Variants in ATP11A observed in about 807,000 individuals in gnomAD.
ATP11A encodes phospholipid-transporting ATPase IH.
In ATP11A, 81 loss-of-function variants were observed where a neutral mutation model predicts 154.4. The observed-to-expected ratio is 0.52, with a 90% CI of 0.44 to 0.63. ATP11A has a LOEUF of 0.63. Among genes scored for constraint, ATP11A ranks in the 30% least tolerant of loss-of-function variants. The pLI, the probability that ATP11A is intolerant of heterozygous loss-of-function variation, is 0.00. For missense variants in ATP11A, 1,316 were observed against 1,474.3 expected (o/e 0.89, Z 1.76); for synonymous variants, 623 against 585.9 (o/e 1.06, Z -0.91).
At chr13:112,712,129 C>T (rs1887830269) in intron 1 of ATP11A, among the ~76,000 whole-genome samples, 1 of 152,152 alleles carries the variant, frequency 6.6e-6, no homozygotes, top group Non-Finnish European at 1.5e-5. Context: ...ACGTGTTTTC[C>T]CCGTTCTCCC....
At chr13:112,809,902 G>A (rs1022899399) in intron 4 of ATP11A, among the ~76,000 whole-genome samples, 2 of 152,220 alleles carry the variant, frequency 1.3e-5, no homozygotes, top group African/African-American at 2.4e-5. Context: ...GAGTGCACGT[G>A]TCTGCGCCAG....
At chr13:112,828,410 G>A (rs1318002067) in intron 12 of ATP11A, among the ~76,000 whole-genome samples, 1 of 137,456 alleles carries the variant, frequency 7.3e-6, no homozygotes, top group African/African-American at 2.7e-5. Flanking sequence ...GGGGGAAAGC[G>A]CCCAGCGGTG....
chr13:112,776,369 C>G (rs1438730046), intron 1 of ATP11A, among the ~76,000 whole-genome samples: 3 of 152,186 alleles, frequency 2.0e-5, no homozygotes, highest in African/African-American at 4.8e-5. Flanking sequence ...TGCCCTGTTC[C>G]TTTCCATGCT....
At chr13:112,843,310 T>C (rs1034753867) in intron 17 of ATP11A, among the ~76,000 whole-genome samples, 16 of 148,780 alleles carry the variant, frequency 1.1e-4, no homozygotes, top group Non-Finnish European at 2.1e-4. Context: ...TCCCATCAGA[T>C]GCCCTAACGT....
chr13:112,713,192 T>C (rs419572), intron 1 of ATP11A, among the ~76,000 whole-genome samples: 129,549 of 152,174 alleles, frequency 0.85, 55,395 homozygotes, highest in East Asian at 0.96. Flanking sequence ...GTCAGGAGTT[T>C]GAGACCGGCC....
intron 1 of ATP11A, among the ~76,000 whole-genome samples, chr13:112,692,449 C>G (rs1287982609): frequency 1.3e-5 from 2 of 152,204 alleles, no homozygotes; most frequent in African/African-American, 4.8e-5. Context: ...AATTTTGATG[C>G]TTGACTCCCT....
chr13:112,854,963 T>C (rs1367903533), intron 19 of ATP11A, among the ~76,000 whole-genome samples: 18 of 152,234 alleles, frequency 1.2e-4, no homozygotes, highest in Non-Finnish European at 1.5e-5. Context: ...GTTGTTTTTT[T>C]CCCAAGAATA....
intron 1 of ATP11A, among the ~76,000 whole-genome samples, chr13:112,707,741 A>T (rs1016500052): frequency 2.0e-5 from 3 of 152,208 alleles, no homozygotes; most frequent in Admixed American, 2.0e-4. Context: ...TCTCGATCAG[A>T]TTGTAACGTG....
chr13:112,829,753 ATTGT>A (rs1450923562), intron 12 of ATP11A, among the ~76,000 whole-genome samples: 1 of 152,220 alleles, frequency 6.6e-6, no homozygotes, highest in African/African-American at 2.4e-5. Flanking sequence ...AAGAAGTGAA[ATTGT>A]TTGCTGATGA....
intron 1 of ATP11A, among the ~76,000 whole-genome samples, chr13:112,716,992 C>T (rs1428990654): frequency 7.2e-5 from 11 of 152,170 alleles, no homozygotes; most frequent in African/African-American, 2.4e-4. Context: ...GACGCAGACC[C>T]ACTGGCCTGC....
chr13:112,881,986 C>T lies in ATP11A; in HGVS notation c.*120C>T, dbSNP rs2080898128. The T allele has an allele frequency of 7.3e-7, 1 of 1,367,704 alleles. No individual in the cohort carries two copies. The highest frequency in any genetic ancestry group is 1.1e-5 in the South Asian group (1 of 88,052). 84.7% of individuals were successfully genotyped at this position (1,367,704 alleles called of 1,614,324 possible). ...AGGTGTCCACGGAGCCCCCACCCATCCTCGGCGGTTCCCATCACCACTGCA... is the reference window on the plus strand; with the variant it reads ...AGGTGTCCACGGAGCCCCCACCCATTCTCGGCGGTTCCCATCACCACTGCA... On this transcript the variant is annotated 3_prime_UTR_variant, in exon 30 of 30. Coordinates refer to ENST00000375645, the MANE Select transcript of ATP11A (RefSeq NM_015205.3).
chr13:112,780,936 G>T (rs1195994374), intron 1 of ATP11A, among the ~76,000 whole-genome samples: 4 of 152,122 alleles, frequency 2.6e-5, no homozygotes, highest in African/African-American at 9.7e-5. Context: ...AGAGAGAGAG[G>T]CTGGGGTCTC....
In ATP11A at chr13:112,884,232, T is replaced by C. The variant is rs1206230988; in HGVS notation, c.*2366T>C. ...GCACATTTAAGGCACGATAATTTGC[T>C]ACACTTTTTCTTTACAATTTGTTGC... is the stretch of plus-strand genomic sequence containing the variant. On this transcript the variant is annotated 3_prime_UTR_variant, in exon 30 of 30. Transcript: ENST00000375645. 1 of 152,708 alleles carries C rather than the reference T, an allele frequency of 6.5e-6. No individual in the cohort carries two copies. Among genetic ancestry groups the C allele is most frequent in the African/African-American group, 2.4e-5 (1 of 41,462 alleles). 9.5% of individuals were successfully genotyped at this position (152,708 alleles called of 1,614,324 possible).
intron 1 of ATP11A, among the ~76,000 whole-genome samples, chr13:112,706,490 T>C (rs1887155802): frequency 6.6e-6 from 1 of 152,252 alleles, no homozygotes; most frequent in Admixed American, 6.5e-5. Flanking sequence ...ATGTTTTCTG[T>C]GGCATTTTCT....
chr13:112,817,669 T>C (rs1032410914), intron 6 of ATP11A, among the ~76,000 whole-genome samples: 1 of 152,252 alleles, frequency 6.6e-6, no homozygotes, highest in Non-Finnish European at 1.5e-5. Flanking sequence ...GCCATGCTAG[T>C]GAACAGATGC....
rs559131710 is a variant in ATP11A, at chr13:112,746,515, T to C, written c.40-38620T>C. ...TCTAGTGTTTTGGTAGCAGCCATCCTGCTCCGTGTAGGTAGTATCTCATTG... is the reference window on the plus strand; with the variant it reads ...TCTAGTGTTTTGGTAGCAGCCATCCCGCTCCGTGTAGGTAGTATCTCATTG... On this transcript the variant is annotated intron_variant, in intron 1 of 29. Transcript: ENST00000375645. The surrounding 1 kb of genome is among the most constrained non-coding windows in gnomAD (Gnocchi z 4.1). 15 of 152,346 alleles carry C rather than the reference T, an allele frequency of 9.8e-5. No individual in the cohort carries two copies. The highest frequency in any genetic ancestry group is 3.6e-4 in the African/African-American group (15 of 41,538). The allele number at this position is 152,346 out of a possible 1,614,324, so 9.4% of individuals were successfully genotyped here. A position where few individuals can be genotyped will look rare whatever the true frequency, so the allele number is the denominator to read the frequency against.
intron 2 of ATP11A, among the ~76,000 whole-genome samples, chr13:112,804,604 T>G (rs1243113744): frequency 6.7e-6 from 1 of 149,754 alleles, no homozygotes; most frequent in Non-Finnish European, 1.5e-5. Flanking sequence ...ATGCTCTCAC[T>G]CAGAGGAGAG....
At chr13:112,715,894 C>T (rs1004677449) in intron 1 of ATP11A, among the ~76,000 whole-genome samples, 11 of 152,030 alleles carry the variant, frequency 7.2e-5, no homozygotes, top group African/African-American at 2.7e-4. Context: ...AGGGCACCTT[C>T]TCCTTAGAAA....
Position 112,824,245 on chromosome 13 carries a change from T to C in ATP11A, c.791-99T>C. On this transcript the variant is annotated intron_variant, in intron 9 of 29. Transcript: ENST00000375645. ...TTATGAAATTAAAAATAGGATTCGCTTTACCCAAGAATTGATTTTCCCCGC... is the reference window on the plus strand; with the variant it reads ...TTATGAAATTAAAAATAGGATTCGCCTTACCCAAGAATTGATTTTCCCCGC... The C allele has an allele frequency of 3.3e-6, 3 of 920,438 alleles. No individual in the cohort carries two copies. In the South Asian group the frequency reaches 4.0e-5, roughly 12 times the overall value. 57.0% of individuals were successfully genotyped at this position (920,438 alleles called of 1,614,324 possible).
Sources: gnomAD v4.1 joint callset for allele counts (sites outside exome capture counted in the v4.1 genomes callset) on GRCh38, gnomAD v4.1.1 for gene constraint, Gnocchi (gnomAD v3.1) non-coding constraint, MANE v1.5 for transcripts, NCBI Gene and HGNC (gene_info 2026-07-23, HGNC 2026-07-21) for gene names.